Variants in EFCAB11 observed in about 807,000 individuals in gnomAD.
EFCAB11 encodes the protein EF-hand calcium-binding domain-containing protein 11.
EFCAB11 carries 14 observed loss-of-function variants against 23.0 expected under a neutral mutation model. The observed-to-expected ratio is 0.61, with a 90% CI of 0.40 to 0.95. The LOEUF (loss-of-function observed/expected upper bound fraction) is 0.95, where lower values mean the gene tolerates loss of function less well. Among genes scored for constraint, EFCAB11 ranks in the 40% least tolerant of loss-of-function variants. The pLI is 0.00. For synonymous variants in EFCAB11, 65 were observed against 66.6 expected, an observed-to-expected ratio of 0.98 and a Z score of 0.11; for missense variants, 198 against 195.8, an observed-to-expected ratio of 1.01 and a Z score of -0.07.
At chr14:89,834,284 G>T (rs1178119405) in intron 5 of EFCAB11, among the ~76,000 whole-genome samples, 3 of 143,762 alleles carry the variant, frequency 2.1e-5, no homozygotes, top group Non-Finnish European at 4.5e-5. Flanking sequence ...GCTGAGGCAG[G>T]TGAATCGCTT....
In EFCAB11 at chr14:89,954,681, C is replaced by G; in HGVS notation, c.-21G>C. 6.2e-7 allele frequency: 1 copy of G among 1,606,920 alleles called. No homozygotes were observed. ...AACATCGCGACTACAACAACCGAGC[C>G]CCAGCAACCCAACCAGCTACCACCG... On this transcript the variant is annotated 5_prime_UTR_variant, in exon 1 of 6. Transcript: ENST00000316738.
intron 3 of EFCAB11, among the ~76,000 whole-genome samples, chr14:89,943,589 T>C (rs1890867372): frequency 1.3e-5 from 2 of 152,138 alleles, no homozygotes; most frequent in Admixed American, 6.5e-5. Context: ...AGATAATATA[T>C]GTGGAAAAAC....
At chr14:89,878,290 G>T (rs541501137) in intron 5 of EFCAB11, among the ~76,000 whole-genome samples, 2 of 152,224 alleles carry the variant, frequency 1.3e-5, no homozygotes, top group Admixed American at 1.3e-4. Flanking sequence ...TAATGGAAAT[G>T]CATTCTATTT....
chr14:89,855,430 C>T lies in EFCAB11; in HGVS notation c.411-58106G>A, dbSNP rs554225197. On this transcript the variant is annotated intron_variant, in intron 5 of 5. Transcript: ENST00000316738. Reference sequence around the variant, plus strand: ...AGTTGAGGCTGCAGTGAGCCATGATCGTGCCTCTGTACTCCAGCCTGGGCA... The same window carrying T: ...AGTTGAGGCTGCAGTGAGCCATGATTGTGCCTCTGTACTCCAGCCTGGGCA... Among the ~76,000 whole-genome samples the T allele has an allele frequency of 5.9e-5, 9 of 152,208 alleles. No individual in the cohort carries two copies. The South Asian group carries it at 1.2e-3, about 21-fold the overall frequency.
intron 3 of EFCAB11, among the ~76,000 whole-genome samples, chr14:89,936,073 G>C (rs1270254408): frequency 6.7e-6 from 1 of 149,394 alleles, no homozygotes; most frequent in Non-Finnish European, 1.5e-5. Context: ...ATGCCAAAAA[G>C]TAGGTCTCTT....
intron 5 of EFCAB11, among the ~76,000 whole-genome samples, chr14:89,843,118 C>T (rs913656189): frequency 2.6e-5 from 4 of 152,078 alleles, no homozygotes; most frequent in Non-Finnish European, 5.9e-5. Flanking sequence ...CAGCCCAAGC[C>T]CACTATATAA....
chr14:89,827,609 T>A (rs1886736985), intron 5 of EFCAB11, among the ~76,000 whole-genome samples: 1 of 150,206 alleles, frequency 6.7e-6, no homozygotes, highest in Admixed American at 6.6e-5. Context: ...CCATGTTTCA[T>A]GAAGCAATTT....
chr14:89,901,124 C>G (rs575056024), intron 5 of EFCAB11, among the ~76,000 whole-genome samples: 1 of 152,254 alleles, frequency 6.6e-6, no homozygotes, highest in Non-Finnish European at 1.5e-5. Flanking sequence ...TTTTATTAAA[C>G]TGCTAATTTT....
intron 5 of EFCAB11, among the ~76,000 whole-genome samples, chr14:89,845,139 A>G (rs1887391249): frequency 2.0e-5 from 3 of 152,250 alleles, no homozygotes; most frequent in Admixed American, 2.0e-4. Flanking sequence ...GTTAATAAAC[A>G]TAAGCTAAAG....
At chr14:89,837,711 G>A (rs1015290007) in intron 5 of EFCAB11, among the ~76,000 whole-genome samples, 4 of 152,130 alleles carry the variant, frequency 2.6e-5, no homozygotes, top group African/African-American at 7.2e-5. Context: ...TGGTAGTGAC[G>A]TGTAAGACTA....
In EFCAB11 at chr14:89,890,969, C is replaced by T. The variant is rs370650998; in HGVS notation, c.410+40572G>A. On this transcript the variant is annotated intron_variant, in intron 5 of 5. Transcript: ENST00000316738. Reference sequence around the variant, plus strand: ...AGTAAGAGAAAAATGAAATAAAAAACGATCATTCACCCCTGAGAAGTTATG... The same window carrying T: ...AGTAAGAGAAAAATGAAATAAAAAATGATCATTCACCCCTGAGAAGTTATG... 5.0e-4 allele frequency among the ~76,000 whole-genome samples: 76 copies of T among 152,298 alleles called. No individual in the cohort carries two copies. The South Asian group carries it at 0.014, about 28-fold the overall frequency.
intron 5 of EFCAB11, among the ~76,000 whole-genome samples, chr14:89,832,814 T>C (rs1886929462): frequency 6.6e-6 from 1 of 152,156 alleles, no homozygotes; most frequent in Non-Finnish European, 1.5e-5. Flanking sequence ...GTGTGGGTAC[T>C]CAAAGTACGG....
intron 5 of EFCAB11, among the ~76,000 whole-genome samples, chr14:89,832,442 G>A (rs1482718327): frequency 6.6e-6 from 1 of 152,156 alleles, no homozygotes; most frequent in Non-Finnish European, 1.5e-5. Context: ...GAGCTCTCCA[G>A]TTTGCCATAA....
chr14:89,935,201 T>C (rs1177682084), intron 3 of EFCAB11, among the ~76,000 whole-genome samples: 1 of 152,124 alleles, frequency 6.6e-6, no homozygotes, highest in African/African-American at 2.4e-5. Context: ...CGGTAATTAT[T>C]TGGCCACATG....
intron 5 of EFCAB11, among the ~76,000 whole-genome samples, chr14:89,840,642 G>A (rs1168096023): frequency 6.6e-6 from 1 of 152,128 alleles, no homozygotes. Flanking sequence ...AAATGGAAAA[G>A]CACTACATTT....
intron 5 of EFCAB11, among the ~76,000 whole-genome samples, chr14:89,808,927 G>T (rs559793200): frequency 1.2e-4 from 18 of 152,302 alleles, no homozygotes; most frequent in African/African-American, 4.3e-4. Flanking sequence ...AAAACTCAGG[G>T]ACTCCAAGTG....
intron 5 of EFCAB11, among the ~76,000 whole-genome samples, chr14:89,844,410 T>C (rs1337428924): frequency 3.3e-5 from 5 of 152,200 alleles, no homozygotes; most frequent in Non-Finnish European, 5.9e-5. Context: ...TTACCTACCA[T>C]TGCCTTTGCA....
At chr14:89,952,545 T>A (rs1470521316) in intron 2 of EFCAB11, 13 of 985,344 alleles carry the variant, frequency 1.3e-5, no homozygotes, top group Non-Finnish European at 1.6e-5. Context: ...CATAATAAGC[T>A]TCTCAGTAAC....
intron 5 of EFCAB11, among the ~76,000 whole-genome samples, chr14:89,904,721 G>A (rs1239805671): frequency 6.6e-6 from 1 of 152,106 alleles, no homozygotes; most frequent in African/African-American, 2.4e-5. Context: ...TTTCTCTGAC[G>A]ACCAGTGATG....
Sources: allele counts gnomAD v4.1 joint callset (sites outside exome capture counted in the v4.1 genomes callset), GRCh38; gene constraint gnomAD v4.1.1; transcripts MANE v1.5; gene names NCBI Gene and HGNC (gene_info 2026-07-23, HGNC 2026-07-21).